Variants in EGR3 observed in about 807,000 individuals in gnomAD.
EGR3 encodes the protein early growth response 3.
A neutral mutation model predicts 22.4 loss-of-function variants in EGR3; 4 were observed. That is an observed-to-expected ratio of 0.18 (90% CI 0.09 to 0.41). The LOEUF (loss-of-function observed/expected upper bound fraction) is 0.41, where lower values mean the gene tolerates loss of function less well. Among genes scored for constraint, EGR3 ranks in the 10% least tolerant of loss-of-function variants. The pLI is 1.00. For missense variants in EGR3, 315 were observed against 541.3 expected, an observed-to-expected ratio of 0.58 and a Z score of 4.15; for synonymous variants, 219 against 226.8, an observed-to-expected ratio of 0.97 and a Z score of 0.31.
rs763112257 is a variant in EGR3, at chr8:22,690,800, G to C, written c.837C>G (p.Ala279=). The change falls in exon 2 of 2, where the codon GCC becomes GCG. Residue 279 remains alanine (A), a synonymous_variant. Transcript: ENST00000317216. ...PLHERPHACP[A]EGCDRRFSRS... ...GGCTGAAACGGCGGTCGCAGCCCTC[G>C]GCCGGGCACGCGTGGGGCCGTTCGT... The C allele has an allele frequency of 1.1e-5, 18 of 1,612,734 alleles. No homozygotes were observed. In the South Asian group the frequency reaches 2.0e-4, roughly 18 times the overall value.
intron 1 of EGR3, 59 bp from the exon 2 acceptor site, chr8:22,691,541 C>T: frequency 6.3e-7 from 1 of 1,580,000 alleles, no homozygotes. Flanking sequence ...CTCCGGGCCG[C>T]GGCGCCCAGG....
At position 22,692,257 on chromosome 8, in the gene EGR3, C is replaced by T. The variant is rs1343952560; in HGVS notation, c.154+534G>A. On this transcript the variant is annotated intron_variant, in intron 1 of 1. Transcript: ENST00000317216. This position sits in a 1 kb window ranked among gnomAD's most constrained non-coding sequence, Gnocchi z 6.2. ...CTCCTTCTCCCCGCCGTCCCCACAC[C>T]CCCACGGCTTTGCTGAACGCCCCGG... 6 of 1,504,224 alleles carry T rather than the reference C, an allele frequency of 4.0e-6. No individual in the cohort carries two copies. Among genetic ancestry groups the T allele is most frequent in the African/African-American group, 1.4e-5 (1 of 70,244 alleles). 93.2% of individuals were successfully genotyped at this position (1,504,224 alleles called of 1,614,324 possible).
rs1378871017 is a variant in EGR3 at position 22,692,748 on chromosome 8, CCCTT to C, written c.154+39_154+42del. ...GTCGTCCCCTCCTCCTCTTCCTCTCCCCTTCCTTCCTCGCTGCCTCGCCGCCTCC... is the reference window on the plus strand; with the variant it reads ...GTCGTCCCCTCCTCCTCTTCCTCTCCCCTTCCTCGCTGCCTCGCCGCCTCC... On this transcript the variant is annotated intron_variant, in intron 1 of 1. Transcript: ENST00000317216. The surrounding 1 kb of genome is among the most constrained non-coding windows in gnomAD (Gnocchi z 6.2). 1.2e-6 allele frequency: 2 copies of C among 1,608,232 alleles called. No homozygotes were observed. The highest frequency in any genetic ancestry group is 1.7e-6 in the Non-Finnish European group (2 of 1,178,056).
At position 22,693,033 on chromosome 8, in the gene EGR3, G is replaced by A; in HGVS notation, c.-89C>T. The A allele has an allele frequency of 2.0e-6, 3 of 1,518,482 alleles. No individual in the cohort carries two copies. The highest frequency in any genetic ancestry group is 2.6e-6 in the Non-Finnish European group (3 of 1,137,390). The allele number at this position is 1,518,482 out of a possible 1,614,324, so 94.1% of individuals were successfully genotyped here. A position where few individuals can be genotyped will look rare whatever the true frequency, so the allele number is the denominator to read the frequency against. On this transcript the variant is annotated 5_prime_UTR_variant, in exon 1 of 2. Coordinates refer to ENST00000317216, the MANE Select transcript of EGR3 (RefSeq NM_004430.3). Reference sequence around the variant, plus strand: ...GCTTCCAGGCAAGCGGCATCCGAGAGGCGATCCGTGGTGCAGGGGAAAAGC... The same window carrying A: ...GCTTCCAGGCAAGCGGCATCCGAGAAGCGATCCGTGGTGCAGGGGAAAAGC...
In EGR3 at chr8:22,692,877, T is replaced by G; in HGVS notation, c.68A>C (p.Asn23Thr). 6.2e-7 allele frequency: 1 copy of G among 1,612,216 alleles called. No individual in the cohort carries two copies. The highest frequency in any genetic ancestry group is 8.5e-7 in the Non-Finnish European group (1 of 1,179,532). The change falls in exon 1 of 2, where the codon AAT becomes ACT. Residue 23 changes from asparagine (N) to threonine (T), a missense_variant. Asn to Thr is a moderately conservative substitution (Grantham distance 65). This residue lies in a region of EGR3 where 227 missense variants were observed against 303.6 expected (regional missense o/e 0.75). Coordinates refer to ENST00000317216, the MANE Select transcript of EGR3 (RefSeq NM_004430.3). This position sits in a 1 kb window ranked among gnomAD's most constrained non-coding sequence, Gnocchi z 6.2. ...MSSLLNQLPDNLYPEEIPSAL... is the reference protein window; with the variant it reads ...MSSLLNQLPDTLYPEEIPSAL... ...GCTGGGGATCTCCTCGGGGTACAGA[T>G]TGTCAGGCAGTTGGTTTAGCAAACT...
rs1272997614 is a variant in EGR3, at chr8:22,691,468, T to A, written c.169A>T (p.Ile57Phe). ...NQMATENVMD[I>F]GLTNEKPNPE... ...TTGGGCTTCTCGTTGGTCAGACCGA[T>A]GTCCATTACATTCTCTGCGGAGAGC... The change falls in exon 2 of 2, where the codon ATC becomes TTC. Residue 57 changes from isoleucine (I) to phenylalanine (F), a missense_variant. Ile to Phe is a conservative substitution (Grantham distance 21, BLOSUM62 0). This residue lies in a region of EGR3 where 227 missense variants were observed against 303.6 expected (regional missense o/e 0.75). Transcript: ENST00000317216. The A allele has an allele frequency of 6.2e-7, 1 of 1,613,896 alleles. No homozygotes were observed. Among genetic ancestry groups the A allele is most frequent in the African/African-American group, 1.3e-5 (1 of 75,026 alleles).
chr8:22,688,715 CAGG>C lies in EGR3; in HGVS notation c.*1755_*1757del, dbSNP rs1345493582. The C allele has an allele frequency of 1.3e-5, 2 of 152,682 alleles. No homozygotes were observed. Among genetic ancestry groups the C allele is most frequent in the African/African-American group, 2.4e-5 (1 of 41,464 alleles). 9.5% of individuals were successfully genotyped at this position (152,682 alleles called of 1,614,324 possible). On this transcript the variant is annotated 3_prime_UTR_variant, in exon 2 of 2. Coordinates refer to ENST00000317216, the MANE Select transcript of EGR3 (RefSeq NM_004430.3). ...TTCTCTCTGGGCAACTTACTGACCA[CAGG>C]AGAAGTAACGCTAACAGGAACAGTA...
chr8:22,691,503 A>AG, intron 1 of EGR3, 21 bp from the exon 2 acceptor site: 2 of 1,606,974 alleles, frequency 1.2e-6, no homozygotes, highest in Non-Finnish European at 1.7e-6. Context: ...CGGGGGAGAG[A>AG]GGGGAGGGGT....
Position 22,690,408 on chromosome 8 carries a change from G to C in EGR3, c.*65C>G. 7.2e-7 allele frequency: 1 copy of C among 1,385,174 alleles called. No homozygotes were observed. Among genetic ancestry groups the C allele is most frequent in the Non-Finnish European group, 9.8e-7 (1 of 1,023,088 alleles). The allele number at this position is 1,385,174 out of a possible 1,614,324, so 85.8% of individuals were successfully genotyped here. ...CTACGCCTCCGTGGCTGGCTTTCCC[G>C]CTGCTTTCAGGCTAGCAGCCGGGAG... On this transcript the variant is annotated 3_prime_UTR_variant, in exon 2 of 2. Coordinates refer to ENST00000317216, the MANE Select transcript of EGR3 (RefSeq NM_004430.3).
Position 22,692,502 on chromosome 8 carries a change from C to T in EGR3, c.154+289G>A. ...CCCCAGAGCCGCTCGCACCTACCTC[C>T]CTCCGGTCGGCGGCTGCCCCCACCC... On this transcript the variant is annotated intron_variant, in intron 1 of 1. Coordinates refer to ENST00000317216, the MANE Select transcript of EGR3 (RefSeq NM_004430.3). This position sits in a 1 kb window ranked among gnomAD's most constrained non-coding sequence, Gnocchi z 6.2. The T allele has an allele frequency of 7.0e-7, 1 of 1,423,574 alleles. No homozygotes were observed. The highest frequency in any genetic ancestry group is 2.5e-5 in the East Asian group (1 of 39,228). 88.2% of individuals were successfully genotyped at this position (1,423,574 alleles called of 1,614,324 possible). A position where few individuals can be genotyped will look rare whatever the true frequency, so the allele number is the denominator to read the frequency against.
Position 22,692,527 on chromosome 8 carries a change from C to A in EGR3, c.154+264G>T. The A allele has an allele frequency of 1.5e-6, 2 of 1,377,848 alleles. No individual in the cohort carries two copies. Among genetic ancestry groups the A allele is most frequent in the Non-Finnish European group, 9.4e-7 (1 of 1,065,558 alleles). 85.4% of individuals were successfully genotyped at this position (1,377,848 alleles called of 1,614,324 possible). ...CCTCCGGTCGGCGGCTGCCCCCACC[C>A]GGGAGAACCGAAGCCTCTACCGTGG... On this transcript the variant is annotated intron_variant, in intron 1 of 1. Coordinates refer to ENST00000317216, the MANE Select transcript of EGR3 (RefSeq NM_004430.3). The surrounding 1 kb of genome is among the most constrained non-coding windows in gnomAD (Gnocchi z 6.2).
rs968837532 is a variant in EGR3, at chr8:22,690,278, C to T, written c.*195G>A. 1 of 591,954 alleles carries T rather than the reference C, an allele frequency of 1.7e-6. No individual in the cohort carries two copies. Among genetic ancestry groups the T allele is most frequent in the African/African-American group, 1.9e-5 (1 of 53,330 alleles). The allele number at this position is 591,954 out of a possible 1,614,324, so 36.7% of individuals were successfully genotyped here. ...GGGGGACCGCGAGGGGAAGGCGCCT[C>T]CAGCCCTGGCCCCTGACCGCTGGCC... On this transcript the variant is annotated 3_prime_UTR_variant, in exon 2 of 2. Transcript: ENST00000317216.
At position 22,693,236 on chromosome 8, in the gene EGR3, T is replaced by C. The variant is rs1432378942; in HGVS notation, c.-292A>G. 1 of 21,204 alleles carries C rather than the reference T, an allele frequency of 4.7e-5. No homozygotes were observed. Among genetic ancestry groups the C allele is most frequent in the African/African-American group, 2.2e-4 (1 of 4,636 alleles). 1.3% of individuals were successfully genotyped at this position (21,204 alleles called of 1,614,324 possible). The stretch of plus-strand genomic sequence containing the variant: ...GGGGGGGTGGGGCGTGTGCGGGGGG[T>C]GGGGTGGGGGCTGGGCTGGGGGGGG... On this transcript the variant is annotated 5_prime_UTR_variant, in exon 1 of 2. Coordinates refer to ENST00000317216, the MANE Select transcript of EGR3 (RefSeq NM_004430.3).
At position 22,691,982 on chromosome 8, in the gene EGR3, T is replaced by A. The variant is rs1585223157; in HGVS notation, c.155-500A>T. On this transcript the variant is annotated intron_variant, in intron 1 of 1. Coordinates refer to ENST00000317216, the MANE Select transcript of EGR3 (RefSeq NM_004430.3). ...CGCCGACCCAGAGCGCTCCGACGCT[T>A]TGTCCTCGGAGCGTAGAAGGGTGTC... 4 of 1,263,976 alleles carry A rather than the reference T, an allele frequency of 3.2e-6. No individual in the cohort carries two copies. The East Asian group carries it at 1.3e-4, about 40-fold the overall frequency. The allele number at this position is 1,263,976 out of a possible 1,614,324, so 78.3% of individuals were successfully genotyped here. A position where few individuals can be genotyped will look rare whatever the true frequency, so the allele number is the denominator to read the frequency against.
Position 22,691,049 on chromosome 8 carries a change from G to A in EGR3, c.588C>T (p.Leu196=), listed in dbSNP as rs753186062. The A allele has an allele frequency of 6.2e-6, 10 of 1,608,660 alleles. No individual in the cohort carries two copies. The highest frequency in any genetic ancestry group is 1.7e-4 in the Middle Eastern group (1 of 6,048). Residue 196 remains leucine, a synonymous_variant, in exon 2 of 2, where the codon CTC becomes CTT. Coordinates refer to ENST00000317216, the MANE Select transcript of EGR3 (RefSeq NM_004430.3). ...NLFPMIPDYN[L]YHHPNDMGSI... is the part of the protein sequence containing the mutation. ...AGCCCATGTCGTTGGGGTGGTGGTA[G>A]AGGTTGTAGTCAGGAATCATGGGGA...
Position 22,691,617 on chromosome 8 carries a change from G to A in EGR3, c.155-135C>T. ...TAGCGCATGGGGTAAGAGGAACGCT[G>A]AGCCCCGCGCAAAGCGGGCGGTGCC... On this transcript the variant is annotated intron_variant, in intron 1 of 1. Coordinates refer to ENST00000317216, the MANE Select transcript of EGR3 (RefSeq NM_004430.3). The A allele has an allele frequency of 2.8e-6, 4 of 1,438,934 alleles. No homozygotes were observed. In the South Asian group the frequency reaches 5.5e-5, roughly 20 times the overall value. The allele number at this position is 1,438,934 out of a possible 1,614,324, so 89.1% of individuals were successfully genotyped here. A position where few individuals can be genotyped will look rare whatever the true frequency, so the allele number is the denominator to read the frequency against.
At position 22,690,122 on chromosome 8, in the gene EGR3, A is replaced by C; in HGVS notation, c.*351T>G. The C allele has an allele frequency of 3.1e-6, 1 of 322,338 alleles. No individual in the cohort carries two copies. The highest frequency in any genetic ancestry group is 5.7e-6 in the Non-Finnish European group (1 of 174,818). The allele number at this position is 322,338 out of a possible 1,614,324, so 20.0% of individuals were successfully genotyped here. A position where few individuals can be genotyped will look rare whatever the true frequency, so the allele number is the denominator to read the frequency against. On this transcript the variant is annotated 3_prime_UTR_variant, in exon 2 of 2. Transcript: ENST00000317216. ...AACAATGAGGTGTTTGGGTCGGGCG[A>C]GGGTTGGATGGGCTCCGCCTTCAGT... is the stretch of plus-strand genomic sequence containing the variant.
rs377538095 is a variant in EGR3, at chr8:22,692,833, C to A, written c.112G>T (p.Gly38Cys). 10 of 1,613,288 alleles carry A rather than the reference C, an allele frequency of 6.2e-6. No individual in the cohort carries two copies. Among genetic ancestry groups the A allele is most frequent in the East Asian group, 2.2e-5 (1 of 44,838 alleles). Residue 38 changes from glycine (G) to cysteine (C), a missense_variant, in exon 1 of 2, where the codon GGC becomes TGC. By Grantham distance (159) the Gly-to-Cys change is radical. This residue lies in a region of EGR3 where 227 missense variants were observed against 303.6 expected (regional missense o/e 0.75). Coordinates refer to ENST00000317216, the MANE Select transcript of EGR3 (RefSeq NM_004430.3). This position sits in a 1 kb window ranked among gnomAD's most constrained non-coding sequence, Gnocchi z 6.2. The stretch of plus-strand genomic sequence containing the variant: ...TAATGGACTACCGAGTCGCTGCTGC[C>A]GGAGAAGAGGTTGAGCGCGCTGGGG... ...EIPSALNLFS[G>C]SSDSVVHYNQ...
rs1432354469 is a variant in EGR3, at chr8:22,689,987, G to A, written c.*486C>T. The A allele has an allele frequency of 5.9e-6, 1 of 168,706 alleles. No individual in the cohort carries two copies. 10.5% of individuals were successfully genotyped at this position (168,706 alleles called of 1,614,324 possible). A position where few individuals can be genotyped will look rare whatever the true frequency, so the allele number is the denominator to read the frequency against. On this transcript the variant is annotated 3_prime_UTR_variant, in exon 2 of 2. Transcript: ENST00000317216. ...CACGCACACACTCGCGCGCATCCCC[G>A]CACGCAGGCGCGCGTGCGTGCGGCG...
Sources: allele counts gnomAD v4.1 joint callset, GRCh38; gene constraint gnomAD v4.1.1; regional missense constraint gnomAD v4.1.1; non-coding constraint Gnocchi (gnomAD v3.1); transcripts MANE v1.5; gene names NCBI Gene and HGNC (gene_info 2026-07-23, HGNC 2026-07-21).